The following DPYD variants were observed in gnomAD, a reference collection of about 807,000 sequenced individuals.
DPYD encodes the protein dihydropyrimidine dehydrogenase.
Under a neutral mutation model 116.2 loss-of-function variants are expected in DPYD, and 109 were observed. That is an observed-to-expected ratio of 0.94 (90% CI 0.80 to 1.10). The LOEUF is 1.10. DPYD is among the 50% of genes least tolerant of loss of function. DPYD has a pLI of 0.00. For synonymous variants in DPYD, 440 were observed against 432.0 expected, an observed-to-expected ratio of 1.02 and a Z score of -0.23; for missense variants, 1,302 against 1,254.5, an observed-to-expected ratio of 1.04 and a Z score of -0.57.
intron 4 of DPYD, among the ~76,000 whole-genome samples, chr1:97,726,865 AAAT>A (rs902801863): frequency 3.3e-5 from 5 of 151,704 alleles, no homozygotes; most frequent in African/African-American, 1.2e-4. Flanking sequence ...AAATTGCAAC[AAAT>A]AAAATATTTA....
chr1:97,522,875 C>T (rs1046105808), intron 12 of DPYD, among the ~76,000 whole-genome samples: 2 of 152,002 alleles, frequency 1.3e-5, no homozygotes, highest in African/African-American at 2.4e-5. Flanking sequence ...TTTCTCTAGG[C>T]TAAACATTTT....
chr1:97,736,935 T>C (rs1372185676), intron 4 of DPYD, among the ~76,000 whole-genome samples: 4 of 151,564 alleles, frequency 2.6e-5, no homozygotes, highest in Non-Finnish European at 5.9e-5. Flanking sequence ...CACCAATTAA[T>C]TTAGAACACT....
chr1:97,764,625 T>C (rs1557943394), intron 3 of DPYD, among the ~76,000 whole-genome samples: 1 of 152,108 alleles, frequency 6.6e-6, no homozygotes, highest in Non-Finnish European at 1.5e-5. Flanking sequence ...GTTCTATTTA[T>C]AATTAACTTA....
At chr1:97,831,659 T>C (rs1571433535) in intron 2 of DPYD, among the ~76,000 whole-genome samples, 2 of 152,018 alleles carry the variant, frequency 1.3e-5, no homozygotes, top group East Asian at 3.9e-4. Flanking sequence ...CTAATTTCCT[T>C]TGACCAATAT....
At chr1:97,395,694 C>A (rs1000224554) in intron 14 of DPYD, among the ~76,000 whole-genome samples, 2 of 151,994 alleles carry the variant, frequency 1.3e-5, no homozygotes, top group Non-Finnish European at 2.9e-5. Flanking sequence ...ATCTACCCAA[C>A]CTTTGGGTGT....
At chr1:97,148,169 T>C (rs1257721454) in intron 20 of DPYD, among the ~76,000 whole-genome samples, 1 of 151,414 alleles carries the variant, frequency 6.6e-6, no homozygotes, top group Non-Finnish European at 1.5e-5. Context: ...GTGCCAGAGG[T>C]CTCTGTCTCT....
intron 14 of DPYD, among the ~76,000 whole-genome samples, chr1:97,446,006 C>T (rs1019528305): frequency 2.0e-5 from 3 of 152,130 alleles, no homozygotes; most frequent in Non-Finnish European, 4.4e-5. Flanking sequence ...GGATTACAGG[C>T]ATGAGCCACC....
At position 97,909,249 on chromosome 1, in the gene DPYD, C is replaced by T. The variant is rs140453883; in HGVS notation, c.39+11635G>A. Among the ~76,000 whole-genome samples, 812 of 152,036 alleles carry T rather than the reference C, an allele frequency of 5.3e-3. 11 individuals are homozygous for T. Among genetic ancestry groups the T allele is most frequent in the African/African-American group, 0.019 (780 of 41,488 alleles). On this transcript the variant is annotated intron_variant, in intron 1 of 22. Transcript: ENST00000370192. The stretch of plus-strand genomic sequence containing the variant: ...GGAAGAGGGAACTTATTTTTTGTTC[C>T]GCCACCCAATGTGCCACCTCTGTCT...
At chr1:97,627,822 T>C (rs2100785937) in intron 8 of DPYD, among the ~76,000 whole-genome samples, 1 of 151,412 alleles carries the variant, frequency 6.6e-6, no homozygotes, top group East Asian at 1.9e-4. Flanking sequence ...TAGTATTATA[T>C]ATTAATATTA....
chr1:97,742,138 A>C (rs1018925450), intron 3 of DPYD, among the ~76,000 whole-genome samples: 1 of 152,080 alleles, frequency 6.6e-6, no homozygotes, highest in South Asian at 2.1e-4. Flanking sequence ...GTGTCAGAAA[A>C]ACAGCATTCT....
chr1:97,893,017 T>C (rs966740276), intron 1 of DPYD, among the ~76,000 whole-genome samples: 4 of 151,790 alleles, frequency 2.6e-5, no homozygotes, highest in Non-Finnish European at 5.9e-5. Context: ...GATGATTAAA[T>C]AAGATAATGC....
At chr1:97,086,485 A>G (rs1027082005) in intron 21 of DPYD, among the ~76,000 whole-genome samples, 2 of 151,920 alleles carry the variant, frequency 1.3e-5, no homozygotes, top group African/African-American at 4.8e-5. Flanking sequence ...ACTAATATTA[A>G]TTTATTAGTT....
intron 19 of DPYD, among the ~76,000 whole-genome samples, chr1:97,213,990 A>G (rs1456281103): frequency 6.6e-6 from 1 of 152,116 alleles, no homozygotes; most frequent in Non-Finnish European, 1.5e-5. Context: ...TAGCTTTAGA[A>G]GATGTTTTGC....
intron 8 of DPYD, among the ~76,000 whole-genome samples, chr1:97,608,369 T>C (rs1340673853): frequency 1.3e-5 from 2 of 151,930 alleles, no homozygotes; most frequent in African/African-American, 4.8e-5. Context: ...CCCTGAACAA[T>C]GGAGGTGTTG....
At chr1:97,579,802 A>C (rs1195495482) in intron 10 of DPYD, among the ~76,000 whole-genome samples, 1 of 152,202 alleles carries the variant, frequency 6.6e-6, no homozygotes, top group Admixed American at 6.5e-5. Context: ...ATAAAGTAGT[A>C]AGCAGCTATA....
chr1:97,622,878 G>C (rs1321453480), intron 8 of DPYD, among the ~76,000 whole-genome samples: 4 of 152,002 alleles, frequency 2.6e-5, no homozygotes, highest in Non-Finnish European at 5.9e-5. Flanking sequence ...AGGCAAACAA[G>C]ATCTGAAGGA....
At chr1:97,424,781 T>G (rs1196432531) in intron 14 of DPYD, among the ~76,000 whole-genome samples, 1 of 152,052 alleles carries the variant, frequency 6.6e-6, no homozygotes, top group Non-Finnish European at 1.5e-5. Flanking sequence ...AATCCTTTTC[T>G]GAATGCTGTC....
At position 97,173,319 on chromosome 1, in the gene DPYD, T is replaced by TATATGTAC. The variant is rs1180706080; in HGVS notation, c.2622+19749_2622+19750insGTACATAT. Among the ~76,000 whole-genome samples the TATATGTAC allele has an allele frequency of 2.8e-5, 4 of 142,828 alleles. No homozygotes were observed. In the East Asian group the frequency reaches 5.9e-4, roughly 21 times the overall value. The allele number at this position is 142,828 out of a possible 152,430, so 93.7% of individuals were successfully genotyped here. A position where few individuals can be genotyped will look rare whatever the true frequency, so the allele number is the denominator to read the frequency against. On this transcript the variant is annotated intron_variant, in intron 20 of 22. Coordinates refer to ENST00000370192, the MANE Select transcript of DPYD (RefSeq NM_000110.4). ...ACATATGTACATATATATGCACACA[T>TATATGTAC]ATATACACATATATGTGTATATATG...
intron 4 of DPYD, among the ~76,000 whole-genome samples, chr1:97,733,134 A>G (rs1663726773): frequency 6.6e-6 from 1 of 152,114 alleles, no homozygotes; most frequent in Non-Finnish European, 1.5e-5. Flanking sequence ...TTCAAAAAAC[A>G]TATTTGGAAC....
Sources: gnomAD v4.1 joint callset for allele counts (sites outside exome capture counted in the v4.1 genomes callset) on GRCh38, gnomAD v4.1.1 for gene constraint, MANE v1.5 for transcripts, NCBI Gene and HGNC (gene_info 2026-07-23, HGNC 2026-07-21) for gene names.